Variants in NDUFAF6 observed in about 807,000 individuals in gnomAD.
NDUFAF6 encodes NADH dehydrogenase (ubiquinone) complex I, assembly factor 6.
Under a neutral mutation model 40.8 loss-of-function variants are expected in NDUFAF6, and 45 were observed. That is an observed-to-expected ratio of 1.10 (90% confidence interval 0.87 to 1.42). The LOEUF is 1.42. Among genes scored for constraint, NDUFAF6 ranks in the 40% most tolerant of loss-of-function variants. The probability of loss-of-function intolerance (pLI) is 0.00; values close to 1 mark genes in which losing one functional copy is unlikely to be tolerated. For missense variants in NDUFAF6, 435 were observed against 418.5 expected (o/e 1.04, Z -0.34); for synonymous variants, 185 against 155.9 (o/e 1.19, Z -1.39).
downstream of NDUFAF6, among the ~76,000 whole-genome samples, chr8:95,059,848 CAAAAAAAAA>C (rs1563846277): frequency 6.8e-6 from 1 of 146,654 alleles, no homozygotes; most frequent in Non-Finnish European, 1.5e-5. Context: ...GATTCCATCT[CAAAAAAAAA>C]GAAAAAAGAA....
chr8:95,007,659 G>GT (rs553474402), intron 2 of NDUFAF6, among the ~76,000 whole-genome samples: 28,055 of 103,676 alleles, frequency 0.27, 4,198 homozygotes, highest in Non-Finnish European at 0.33. Context: ...GTGAGGCTCT[G>GT]TTTTTTTTTT....
At chr8:94,972,129 G>GA (rs1824517169) in intron 1 of NDUFAF6, among the ~76,000 whole-genome samples, 1 of 152,204 alleles carries the variant, frequency 6.6e-6, no homozygotes, top group African/African-American at 2.4e-5. Flanking sequence ...GTGTCAGAGA[G>GA]AAAGCTCTCC....
At chr8:95,067,818 C>T (rs1413038486) in intron 9 of NDUFAF6, 1 of 151,974 alleles carries the variant, frequency 6.6e-6, no homozygotes, top group Non-Finnish European at 1.5e-5. Context: ...GTTCAGGCTC[C>T]CAGTGTGGTC....
At chr8:95,087,843 T>C (rs1316619873) in intron 2 of NDUFAF6, 1 of 152,306 alleles carries the variant, frequency 6.6e-6, no homozygotes, top group East Asian at 1.9e-4. Context: ...ACTTTCAGTC[T>C]TTCTTGCTCA....
intron 4 of NDUFAF6, among the ~76,000 whole-genome samples, chr8:95,109,587 TAGAGAG>T (rs71695882): frequency 0.01 from 1,447 of 142,278 alleles, 22 homozygotes; most frequent in African/African-American, 0.034. Flanking sequence ...GATAGATAGA[TAGAGAG>T]AGAGAGAGAG....
At chr8:94,912,973 A>G (rs1270641415) in intron 1 of NDUFAF6, among the ~76,000 whole-genome samples, 1 of 152,206 alleles carries the variant, frequency 6.6e-6, no homozygotes, top group Non-Finnish European at 1.5e-5. Context: ...GCGAGACTCC[A>G]TCTCAATCAA....
At chr8:95,055,636 G>T (rs1307214386) in intron 8 of NDUFAF6, among the ~76,000 whole-genome samples, 1 of 152,104 alleles carries the variant, frequency 6.6e-6, no homozygotes, top group African/African-American at 2.4e-5. Flanking sequence ...TACAGAACAT[G>T]AAATAGCATG....
At chr8:95,032,221 C>A (rs983923333) in intron 2 of NDUFAF6, 127 bp downstream of exon 2, 28 of 790,984 alleles carry the variant, frequency 3.5e-5, no homozygotes, top group Admixed American at 2.8e-4. Flanking sequence ...CTAGTGATTT[C>A]TTTTCCCTGC....
intron 1 of NDUFAF6, among the ~76,000 whole-genome samples, chr8:94,919,523 A>C (rs1050870955): frequency 1.3e-5 from 2 of 152,194 alleles, no homozygotes; most frequent in African/African-American, 4.8e-5. Flanking sequence ...CATTTTGTGC[A>C]GTTCCCATGA....
In NDUFAF6 at chr8:95,114,393, A is replaced by G. The variant is rs992450759; in HGVS notation, n.345-1143A>G. On this transcript the variant is annotated intron_variant and non_coding_transcript_variant, in intron 4 of 5. Transcript: ENST00000523184. Reference sequence around the variant, plus strand: ...GACCGCAAAAGCAGCTGGTGCTGTGAGTTCACCAGTAAGTGACTTTCCTGT... The same window carrying G: ...GACCGCAAAAGCAGCTGGTGCTGTGGGTTCACCAGTAAGTGACTTTCCTGT... Among the ~76,000 whole-genome samples, 36 of 152,248 alleles carry G rather than the reference A, an allele frequency of 2.4e-4. 1 individual carries two copies.
At chr8:95,013,209 C>A (rs534211465) in intron 2 of NDUFAF6, among the ~76,000 whole-genome samples, 13 of 152,262 alleles carry the variant, frequency 8.5e-5, no homozygotes, top group African/African-American at 3.1e-4. Flanking sequence ...TCAATCCCCC[C>A]CATTTCAGCC....
intron 4 of NDUFAF6, among the ~76,000 whole-genome samples, chr8:95,109,073 A>G (rs1317232045): frequency 6.6e-6 from 1 of 152,174 alleles, no homozygotes; most frequent in East Asian, 1.9e-4. Context: ...GGAGTTAGAT[A>G]TAGAAACAAT....
intron 4 of NDUFAF6, among the ~76,000 whole-genome samples, chr8:95,109,014 T>C (rs1809920334): frequency 2.0e-5 from 3 of 152,238 alleles, no homozygotes; most frequent in Non-Finnish European, 4.4e-5. Flanking sequence ...TTCATTGTAC[T>C]ATTCTTTTCA....
chr8:94,922,265 C>T (rs1393212847), intron 1 of NDUFAF6, among the ~76,000 whole-genome samples: 2 of 152,102 alleles, frequency 1.3e-5, no homozygotes, highest in African/African-American at 4.8e-5. Context: ...CCACCTTGGC[C>T]TCCCAAAGTG....
chr8:94,992,492 GAA>G (rs201036205), intron 2 of NDUFAF6, among the ~76,000 whole-genome samples: 16 of 149,666 alleles, frequency 1.1e-4, no homozygotes, highest in Non-Finnish European at 2.1e-4. Flanking sequence ...CGTCTCAAAA[GAA>G]AAAAAAATGA....
At chr8:95,013,409 T>G (rs1827307058) in intron 2 of NDUFAF6, among the ~76,000 whole-genome samples, 1 of 152,204 alleles carries the variant, frequency 6.6e-6, no homozygotes, top group African/African-American at 2.4e-5. Context: ...CCCACACTGA[T>G]AGAGATTTTG....
exon 1 of NDUFAF6, chr8:94,895,814 G>C (rs1044409559): frequency 2.0e-5 from 3 of 152,050 alleles, no homozygotes; most frequent in African/African-American, 4.8e-5. Context: ...TCAGCCACGC[G>C]CCTGGCCAAG....
chr8:94,900,811 G>A (rs931630526), intron 1 of NDUFAF6, among the ~76,000 whole-genome samples: 2 of 152,288 alleles, frequency 1.3e-5, no homozygotes, highest in Non-Finnish European at 2.9e-5. Flanking sequence ...AAGATGATAT[G>A]GCAGAGGGGA....
upstream of NDUFAF6, among the ~76,000 whole-genome samples, chr8:95,095,396 A>C (rs1027559615): frequency 6.6e-6 from 1 of 152,124 alleles, no homozygotes; most frequent in Admixed American, 6.5e-5. Flanking sequence ...CAGGTCATTA[A>C]TCCTTGGCCG....
Sources: allele counts gnomAD v4.1 joint callset (sites outside exome capture counted in the v4.1 genomes callset), GRCh38; gene constraint gnomAD v4.1.1; transcripts MANE v1.5; gene names NCBI Gene and HGNC (gene_info 2026-07-23, HGNC 2026-07-21).